SPMIP2: variants seen among roughly 807,000 people sequenced by gnomAD.
SPMIP2 encodes sperm microtubule inner protein 2, also known as protein SPMIP2.
the SPMIP2 span, among the ~76,000 whole-genome samples, chr4:158,991,258 C>A: frequency 1.3e-5 from 2 of 152,192 alleles, no homozygotes; most frequent in Admixed American, 1.3e-4. Flanking sequence ...AATTTCATTT[C>A]TTTTCCAAAA....
At chr4:158,985,807 T>C in the SPMIP2 span, among the ~76,000 whole-genome samples, 1 of 152,012 alleles carries the variant, frequency 6.6e-6, no homozygotes, top group African/African-American at 2.4e-5. Flanking sequence ...GAGAAAGAAA[T>C]AAAGGGTATT....
the SPMIP2 span, among the ~76,000 whole-genome samples, chr4:158,968,600 C>T: frequency 2.6e-5 from 4 of 152,200 alleles, no homozygotes; most frequent in African/African-American, 4.8e-5. Context: ...TGATTTCACA[C>T]GGCCTGGGAT....
At chr4:158,977,510 G>A in the SPMIP2 span, among the ~76,000 whole-genome samples, 1 of 149,930 alleles carries the variant, frequency 6.7e-6, no homozygotes, top group Non-Finnish European at 1.5e-5. Context: ...CTGGCTAGAG[G>A]TCTATCTACT....
At chr4:159,054,284 G>T in the SPMIP2 span, among the ~76,000 whole-genome samples, 1 of 152,062 alleles carries the variant, frequency 6.6e-6, no homozygotes, top group Non-Finnish European at 1.5e-5. Flanking sequence ...TGTGAACCAC[G>T]GTGCCCAGAC....
the SPMIP2 span, among the ~76,000 whole-genome samples, chr4:158,990,820 C>A: frequency 6.6e-6 from 1 of 152,064 alleles, no homozygotes; most frequent in Non-Finnish European, 1.5e-5. Flanking sequence ...ACCACCATGT[C>A]ATGTGTAAGC....
At chr4:158,984,987 A>G in the SPMIP2 span, among the ~76,000 whole-genome samples, 1 of 152,062 alleles carries the variant, frequency 6.6e-6, no homozygotes, top group Non-Finnish European at 1.5e-5. Flanking sequence ...AACTACCATC[A>G]GAGAATACTA....
At chr4:158,964,029 C>T in the SPMIP2 span, among the ~76,000 whole-genome samples, 1 of 152,010 alleles carries the variant, frequency 6.6e-6, no homozygotes, top group South Asian at 2.1e-4. Flanking sequence ...GTGGCGGGTG[C>T]CTGTAGTCCC....
chr4:158,973,222 CT>C, the SPMIP2 span: 1 of 1,613,828 alleles, frequency 6.2e-7, no homozygotes, highest in Non-Finnish European at 8.5e-7. Flanking sequence ...TATCTGAGAT[CT>C]CCAGTTTTTT....
chr4:158,943,392 C>A, the SPMIP2 span, among the ~76,000 whole-genome samples: 2 of 152,206 alleles, frequency 1.3e-5, no homozygotes, highest in Admixed American at 6.5e-5. Flanking sequence ...GATACAAACA[C>A]CTGGCCTCTA....
the SPMIP2 span, among the ~76,000 whole-genome samples, chr4:159,065,118 T>G: frequency 6.6e-6 from 1 of 152,268 alleles, no homozygotes; most frequent in Non-Finnish European, 1.5e-5. Flanking sequence ...ACATTTGCAC[T>G]TTTATTTTGA....
the SPMIP2 span, among the ~76,000 whole-genome samples, chr4:159,056,836 G>GA: frequency 2.6e-3 from 400 of 152,304 alleles, no homozygotes; most frequent in Non-Finnish European, 3.6e-3. Context: ...AAGGAGGAAA[G>GA]AAAGAAAGGA....
the SPMIP2 span, among the ~76,000 whole-genome samples, chr4:158,926,191 A>G: frequency 2.0e-5 from 3 of 151,546 alleles, no homozygotes; most frequent in Admixed American, 1.3e-4. Flanking sequence ...TTCTTTATCT[A>G]TTTTTATTAG....
the SPMIP2 span, among the ~76,000 whole-genome samples, chr4:158,923,287 A>T: frequency 1.3e-5 from 2 of 152,180 alleles, no homozygotes; most frequent in Non-Finnish European, 2.9e-5. Flanking sequence ...AATTTCTACA[A>T]AGAAGCCAGT....
the SPMIP2 span, among the ~76,000 whole-genome samples, chr4:158,939,248 T>A: frequency 6.6e-6 from 1 of 152,222 alleles, no homozygotes; most frequent in Admixed American, 6.5e-5. Context: ...ATGTATTAAC[T>A]AAGAATAAAG....
the SPMIP2 span, among the ~76,000 whole-genome samples, chr4:158,964,814 T>C: frequency 9.0e-4 from 137 of 152,238 alleles, 2 homozygotes; most frequent in Non-Finnish European, 1.6e-3. Context: ...AGCAGGCATG[T>C]CTTACATGGT....
the SPMIP2 span, among the ~76,000 whole-genome samples, chr4:158,988,964 T>C: frequency 1.3e-5 from 2 of 152,158 alleles, no homozygotes; most frequent in East Asian, 1.9e-4. Context: ...GCAGATGACA[T>C]AATTATATCT....
the SPMIP2 span, among the ~76,000 whole-genome samples, chr4:159,052,967 T>A: frequency 2.3e-4 from 33 of 143,028 alleles, no homozygotes; most frequent in African/African-American, 8.3e-4. Context: ...TTTTTTTTTT[T>A]TTTTTTTGAG....
chr4:159,069,235 G>A, the SPMIP2 span, among the ~76,000 whole-genome samples: 10 of 152,032 alleles, frequency 6.6e-5, no homozygotes, highest in East Asian at 5.8e-4. Context: ...CCTGGGAGGC[G>A]AAGGTTACAG....
chr4:159,043,707 A>G, the SPMIP2 span, among the ~76,000 whole-genome samples: 272 of 152,362 alleles, frequency 1.8e-3, 2 homozygotes, highest in African/African-American at 6.3e-3. Flanking sequence ...GTAGTCTTCC[A>G]TAAGCTCTTC....
Sources: gnomAD v4.1 joint callset for allele counts (sites outside exome capture counted in the v4.1 genomes callset) on GRCh38, gnomAD v4.1.1 for gene constraint, MANE v1.5 for transcripts, NCBI Gene and HGNC (gene_info 2026-07-23, HGNC 2026-07-21) for gene names.